The following SUMO2 variants were observed in gnomAD, a reference collection of about 807,000 sequenced individuals.
The protein encoded by SUMO2 is small ubiquitin-related modifier 2.
In SUMO2, 1 loss-of-function variant was observed where a neutral mutation model predicts 16.0. The ratio of observed to expected loss-of-function variants is 0.06; its 90% CI spans 0.02 to 0.30. The LOEUF (loss-of-function observed/expected upper bound fraction) is 0.30. Among genes scored for constraint, SUMO2 ranks in the 10% least tolerant of loss-of-function variants. The pLI, the probability that SUMO2 is intolerant of heterozygous loss-of-function variation, is 1.00. For synonymous variants in SUMO2, 36 were observed against 40.6 expected (o/e 0.89, Z 0.43); for missense variants, 16 against 117.5 (o/e 0.14, Z 3.99).
intron 2 of SUMO2, among the ~76,000 whole-genome samples, chr17:75,180,415 A>ACAAAAAACAAAAAAC (rs1001320041): frequency 6.9e-6 from 1 of 145,182 alleles, no homozygotes; most frequent in African/African-American, 2.5e-5. Context: ...AAAAAAAAAA[A>ACAAAAAACAAAAAAC]AAAAAACGAC....
chr17:75,179,570 CAAG>C (rs912322453), intron 2 of SUMO2, among the ~76,000 whole-genome samples: 8 of 148,160 alleles, frequency 5.4e-5, no homozygotes, highest in Non-Finnish European at 8.9e-5. Flanking sequence ...GAACTACATA[CAAG>C]AAGGTTTACA....
At chr17:75,168,857 G>A (rs1040264032) in intron 3 of SUMO2, among the ~76,000 whole-genome samples, 1 of 151,900 alleles carries the variant, frequency 6.6e-6, no homozygotes, top group Admixed American at 6.6e-5. Flanking sequence ...TGCCTGCCTC[G>A]GCCTCCCAAA....
chr17:75,175,449 T>A (rs1317058271), intron 2 of SUMO2, among the ~76,000 whole-genome samples: 1 of 151,610 alleles, frequency 6.6e-6, no homozygotes, highest in East Asian at 1.9e-4. Context: ...GCCTCCTGAT[T>A]AGCTGGGACT....
intron 2 of SUMO2, among the ~76,000 whole-genome samples, chr17:75,178,428 C>T (rs907965720): frequency 2.0e-5 from 3 of 149,096 alleles, no homozygotes; most frequent in Admixed American, 1.4e-4. Flanking sequence ...GCAGGAGAAT[C>T]GCTTGAACCC....
intron 2 of SUMO2, among the ~76,000 whole-genome samples, chr17:75,180,395 A>T (rs2074817931): frequency 2.7e-5 from 3 of 109,954 alleles, no homozygotes; most frequent in African/African-American, 1.6e-4. Flanking sequence ...CCCAGCTTAA[A>T]AAAAAAAAAA....
At chr17:75,179,031 G>C (rs2074806163) in intron 2 of SUMO2, among the ~76,000 whole-genome samples, 1 of 152,158 alleles carries the variant, frequency 6.6e-6, no homozygotes, top group Non-Finnish European at 1.5e-5. Context: ...CTCCCAAAGT[G>C]CTGGATTACC....
At position 75,180,392 on chromosome 17, in the gene SUMO2, TAAAAAAAA is replaced by T. The variant is rs58684188; in HGVS notation, c.153+657_153+664del. Among the ~76,000 whole-genome samples the T allele has an allele frequency of 2.9e-3, 128 of 44,872 alleles. 2 individuals carry two copies. Among genetic ancestry groups the T allele is most frequent in the South Asian group, 7.8e-3 (5 of 642 alleles). The allele number at this position is 44,872 out of a possible 152,430, so 29.4% of individuals were successfully genotyped here. A position where few individuals can be genotyped will look rare whatever the true frequency, so the allele number is the denominator to read the frequency against. ...AAGAAATAGAGTGAGACTCCCAGCT[TAAAAAAAA>T]AAAAAAAAAAAAAAAAAAAAACGAC... On this transcript the variant is annotated intron_variant, in intron 2 of 3. Transcript: ENST00000420826.
At chr17:75,177,681 TAAAA>T (rs199509595) in intron 2 of SUMO2, among the ~76,000 whole-genome samples, 2 of 138,884 alleles carry the variant, frequency 1.4e-5, no homozygotes, top group Non-Finnish European at 3.1e-5. Flanking sequence ...AACTCCATCT[TAAAA>T]AAAAAAAAGA....
chr17:75,166,497 A>G lies in SUMO2; in HGVS notation c.*1842T>C, dbSNP rs2074694142. On this transcript the variant is annotated 3_prime_UTR_variant, in exon 4 of 4. Transcript: ENST00000420826. ...TCTCAAAAATAAACATTTTTAAAAA[A>G]TTAAAAAGGGGCTGGGCATAGTGGC... 6.6e-6 allele frequency: 1 copy of G among 152,046 alleles called. No individual in the cohort carries two copies. Among genetic ancestry groups the G allele is most frequent in the African/African-American group, 2.4e-5 (1 of 41,380 alleles). 9.4% of individuals were successfully genotyped at this position (152,046 alleles called of 1,614,324 possible).
chr17:75,171,148 C>A (rs1036564544), intron 3 of SUMO2, among the ~76,000 whole-genome samples: 1 of 150,720 alleles, frequency 6.6e-6, no homozygotes, highest in Non-Finnish European at 1.5e-5. Flanking sequence ...TTTTTTCTTG[C>A]GATGGAGTTT....
chr17:75,168,503 GT>G (rs2074710505), intron 3 of SUMO2, 102 bp from the exon 4 acceptor site: 1 of 961,362 alleles, frequency 1.0e-6, no homozygotes, highest in African/African-American at 1.7e-5. Context: ...GTTCCACTAA[GT>G]TCCAAGTTTC....
intron 2 of SUMO2, among the ~76,000 whole-genome samples, chr17:75,176,013 A>C (rs2074779747): frequency 6.6e-6 from 1 of 151,730 alleles, no homozygotes; most frequent in Non-Finnish European, 1.5e-5. Context: ...CTTGAGACAA[A>C]TATGCATTTA....
chr17:75,181,309 G>A, intron 1 of SUMO2, 121 bp from the exon 2 acceptor site: 5 of 993,022 alleles, frequency 5.0e-6, no homozygotes, highest in South Asian at 1.7e-5. Context: ...ATGCTAAAAC[G>A]GCATACTGCT....
At chr17:75,181,571 G>A (rs1238054446) in intron 1 of SUMO2, among the ~76,000 whole-genome samples, 1 of 152,038 alleles carries the variant, frequency 6.6e-6, no homozygotes, top group East Asian at 1.9e-4. Flanking sequence ...AGCACTTTAA[G>A]TACAACTGCA....
chr17:75,180,979 G>A, intron 2 of SUMO2, 78 bp downstream of exon 2: 2 of 1,552,574 alleles, frequency 1.3e-6, no homozygotes, highest in Non-Finnish European at 1.8e-6. Flanking sequence ...TAATGTGCTA[G>A]TCTAGTTTTT....
intron 2 of SUMO2, among the ~76,000 whole-genome samples, chr17:75,178,322 TG>T (rs1196372937): frequency 9.9e-5 from 15 of 151,682 alleles, no homozygotes; most frequent in African/African-American, 3.6e-4. Flanking sequence ...GAGATCATCC[TG>T]GCCAATATTG....
chr17:75,171,884 A>G (rs936019694), intron 3 of SUMO2, among the ~76,000 whole-genome samples: 2 of 152,140 alleles, frequency 1.3e-5, no homozygotes, highest in Admixed American at 1.3e-4. Flanking sequence ...ATCTACTAAA[A>G]CAAAATTATC....
chr17:75,180,130 CAGG>C (rs2074815333), intron 2 of SUMO2, among the ~76,000 whole-genome samples: 6 of 151,578 alleles, frequency 4.0e-5, no homozygotes, highest in Admixed American at 4.0e-4. Flanking sequence ...CACTTGAGGT[CAGG>C]AGTTGAGGTC....
At chr17:75,178,190 T>C (rs1364913428) in intron 2 of SUMO2, among the ~76,000 whole-genome samples, 1 of 149,684 alleles carries the variant, frequency 6.7e-6, no homozygotes, top group South Asian at 2.1e-4. Flanking sequence ...AATTTTGCAA[T>C]TGCAGAAAAG....
Sources: allele counts gnomAD v4.1 joint callset (sites outside exome capture counted in the v4.1 genomes callset), GRCh38; gene constraint gnomAD v4.1.1; transcripts MANE v1.5; gene names NCBI Gene and HGNC (gene_info 2026-07-23, HGNC 2026-07-21).